UNC13C: variants seen among roughly 807,000 people sequenced by gnomAD.
The protein encoded by UNC13C is protein unc-13 homolog C.
Under a neutral mutation model 245.4 loss-of-function variants are expected in UNC13C, and 174 were observed. The ratio of observed to expected loss-of-function variants is 0.71; its 90% CI spans 0.63 to 0.80. The LOEUF (loss-of-function observed/expected upper bound fraction) is 0.80, where lower values mean the gene tolerates loss of function less well. UNC13C is among the 30% of genes least tolerant of loss of function. The pLI, the probability that UNC13C is intolerant of heterozygous loss-of-function variation, is 0.00. For synonymous variants in UNC13C, 992 were observed against 895.1 expected, an observed-to-expected ratio of 1.11 and a Z score of -1.93; for missense variants, 2,829 against 2,602.9, an observed-to-expected ratio of 1.09 and a Z score of -1.89.
intron 4 of UNC13C, among the ~76,000 whole-genome samples, chr15:54,231,421 C>T (rs1358802273): frequency 2.6e-5 from 4 of 151,912 alleles, no homozygotes; most frequent in African/African-American, 9.7e-5. Flanking sequence ...CACGGTAAGT[C>T]ATAAACTGTG....
chr15:53,910,734 G>C, the UNC13C span: 2 of 146,924 alleles, frequency 1.4e-5, 1 homozygote, highest in Non-Finnish European at 3.0e-5. Flanking sequence ...GCCGAGATAC[G>C]GGCGAACAGT....
chr15:54,264,771 C>T (rs966004288), intron 9 of UNC13C, among the ~76,000 whole-genome samples: 1 of 151,846 alleles, frequency 6.6e-6, no homozygotes, highest in Admixed American at 6.6e-5. Context: ...CCTGGCTCAA[C>T]ATCCCTCATC....
intron 28 of UNC13C, 129 bp downstream of exon 28, chr15:54,549,820 C>T: frequency 1.7e-6 from 1 of 602,078 alleles, no homozygotes; most frequent in Non-Finnish European, 2.9e-6. Flanking sequence ...ATTTCACAAT[C>T]TGCTTTAGGA....
chr15:54,438,438 G>A (rs1005969988), intron 19 of UNC13C, among the ~76,000 whole-genome samples: 1 of 151,942 alleles, frequency 6.6e-6, no homozygotes, highest in African/African-American at 2.4e-5. Context: ...CCAATTGTAA[G>A]CAAGCACATT....
At chr15:54,576,178 G>A (rs893849094) in intron 30 of UNC13C, among the ~76,000 whole-genome samples, 8 of 152,144 alleles carry the variant, frequency 5.3e-5, no homozygotes, top group African/African-American at 1.4e-4. Flanking sequence ...ATTAAGACAC[G>A]ATGTGTAAAG....
At chr15:54,424,046 C>G (rs1045923911) in intron 19 of UNC13C, among the ~76,000 whole-genome samples, 5 of 151,830 alleles carry the variant, frequency 3.3e-5, no homozygotes, top group African/African-American at 1.2e-4. Flanking sequence ...TGCTGCCTTG[C>G]TACCTATAAT....
At chr15:54,630,395 A>C (rs1302596145), downstream of UNC13C, 1 of 151,860 alleles carries the variant, frequency 6.6e-6, no homozygotes, top group Non-Finnish European at 1.5e-5. Context: ...CTTTTTTAAA[A>C]ACAATGCGTG....
At chr15:54,618,604 C>T (rs879702938) in intron 30 of UNC13C, among the ~76,000 whole-genome samples, 8 of 152,072 alleles carry the variant, frequency 5.3e-5, no homozygotes, top group East Asian at 3.9e-4. Flanking sequence ...CATTTTTACC[C>T]TGGGATAGAC....
chr15:54,227,807 C>T (rs1010952821), intron 4 of UNC13C, among the ~76,000 whole-genome samples: 22 of 152,154 alleles, frequency 1.4e-4, no homozygotes, highest in African/African-American at 3.9e-4. Context: ...GTCTTGAAGC[C>T]GGTATAGTAC....
At chr15:54,549,732 G>A in intron 28 of UNC13C, 41 bp downstream of exon 28, 1 of 1,354,526 alleles carries the variant, frequency 7.4e-7, no homozygotes, top group Non-Finnish European at 1.0e-6. Flanking sequence ...GGAAAGTAGT[G>A]AGTTAACTAC....
chr15:54,279,524 G>T (rs902996801), intron 10 of UNC13C, among the ~76,000 whole-genome samples: 2 of 152,160 alleles, frequency 1.3e-5, no homozygotes, highest in Admixed American at 1.3e-4. Context: ...TGTTTGGGAA[G>T]CTGATGGAAC....
chr15:54,301,046 G>C (rs967304505), intron 13 of UNC13C, among the ~76,000 whole-genome samples: 3 of 152,122 alleles, frequency 2.0e-5, no homozygotes, highest in African/African-American at 7.2e-5. Context: ...GTAATGAACA[G>C]AAGTATTCAT....
At chr15:54,221,465 A>C (rs1188464658) in intron 4 of UNC13C, among the ~76,000 whole-genome samples, 1 of 150,598 alleles carries the variant, frequency 6.6e-6, no homozygotes, top group Non-Finnish European at 1.5e-5. Context: ...TATAATAGTC[A>C]TCAGGAAAAT....
chr15:54,032,368 C>G (rs1896393345), intron 2 of UNC13C, among the ~76,000 whole-genome samples: 1 of 152,206 alleles, frequency 6.6e-6, no homozygotes, highest in African/African-American at 2.4e-5. Context: ...GATGCTTGGA[C>G]AGGCCTAACA....
chr15:54,572,636 G>C (rs1032560054), intron 30 of UNC13C, among the ~76,000 whole-genome samples: 1 of 151,868 alleles, frequency 6.6e-6, no homozygotes, highest in African/African-American at 2.4e-5. Context: ...ATGTTGGCCA[G>C]GCTGGTCTCA....
intron 30 of UNC13C, among the ~76,000 whole-genome samples, chr15:54,608,005 A>C (rs1899864091): frequency 6.6e-6 from 1 of 152,188 alleles, no homozygotes; most frequent in African/African-American, 2.4e-5. Context: ...CTCTCCTTGC[A>C]TTTATTTGAA....
At chr15:54,248,542 A>G (rs1396573501) in intron 7 of UNC13C, among the ~76,000 whole-genome samples, 2 of 149,928 alleles carry the variant, frequency 1.3e-5, no homozygotes, top group Non-Finnish European at 2.9e-5. Context: ...TTATTATGAA[A>G]TGAAGCCAGG....
At chr15:54,332,203 A>G in intron 15 of UNC13C, 92 bp downstream of exon 15, 1 of 851,408 alleles carries the variant, frequency 1.2e-6, no homozygotes, top group African/African-American at 1.7e-5. Flanking sequence ...ATGTAATAGA[A>G]AAATAAAAAT....
chr15:53,842,672 T>C, the UNC13C span, among the ~76,000 whole-genome samples: 1 of 152,142 alleles, frequency 6.6e-6, no homozygotes, highest in African/African-American at 2.4e-5. Context: ...ATATTAAACC[T>C]GAAAATGAAG....
Sources: gnomAD v4.1 joint callset for allele counts (sites outside exome capture counted in the v4.1 genomes callset) on GRCh38, gnomAD v4.1.1 for gene constraint, MANE v1.5 for transcripts, NCBI Gene and HGNC (gene_info 2026-07-23, HGNC 2026-07-21) for gene names.